The following TJP1 variants were observed in gnomAD, a reference collection of about 807,000 sequenced individuals.
TJP1 encodes tight junction protein ZO-1.
TJP1 carries 43 observed loss-of-function variants against 194.2 expected under a neutral mutation model. That is an observed-to-expected ratio of 0.22 (90% confidence interval 0.17 to 0.29). TJP1 has a LOEUF of 0.29. TJP1 is among the 10% of genes least tolerant of loss of function. TJP1 has a pLI of 1.00. For synonymous variants in TJP1, 801 were observed against 779.0 expected (o/e 1.03, Z -0.47); for missense variants, 1,971 against 2,185.7 (o/e 0.90, Z 1.96).
At chr15:29,734,862 A>C (rs2043921890) in intron 11 of TJP1, among the ~76,000 whole-genome samples, 1 of 152,202 alleles carries the variant, frequency 6.6e-6, no homozygotes, top group Non-Finnish European at 1.5e-5. Context: ...TTAAAAAAAC[A>C]GAAACAAATA....
intron 2 of TJP1, among the ~76,000 whole-genome samples, chr15:29,950,162 ACCACAACCACTACCT>A (rs2055670160): frequency 4.2e-5 from 4 of 94,774 alleles, no homozygotes; most frequent in Non-Finnish European, 8.7e-5. Context: ...CTCCACCACC[ACCACAACCACTACCT>A]CCACCTCCAC....
At chr15:29,940,228 C>T (rs1213966757) in intron 2 of TJP1, among the ~76,000 whole-genome samples, 2 of 152,138 alleles carry the variant, frequency 1.3e-5, no homozygotes, top group Admixed American at 1.3e-4. Flanking sequence ...AAGAGTAAAT[C>T]ATAGGGGAGA....
intron 2 of TJP1, among the ~76,000 whole-genome samples, chr15:29,927,714 C>T (rs1319516470): frequency 6.6e-6 from 1 of 152,082 alleles, no homozygotes; most frequent in East Asian, 1.9e-4. Flanking sequence ...GCCATCTTCC[C>T]CTTGGGGCAC....
chr15:29,943,991 TTTC>T, intron 2 of TJP1, among the ~76,000 whole-genome samples: 1 of 152,124 alleles, frequency 6.6e-6, no homozygotes, highest in East Asian at 1.9e-4. Flanking sequence ...AAACAAAAAT[TTTC>T]TACCTGTTAA....
At chr15:29,800,485 G>A in intron 2 of TJP1, 161 bp downstream of exon 2, 1 of 646,212 alleles carries the variant, frequency 1.5e-6, no homozygotes, top group Non-Finnish European at 2.7e-6. Context: ...GCTCACTTTT[G>A]ACCTTAATAA....
intron 2 of TJP1, among the ~76,000 whole-genome samples, chr15:29,944,677 G>A (rs867150847): frequency 5.3e-5 from 8 of 151,968 alleles, no homozygotes; most frequent in East Asian, 1.9e-4. Context: ...CTGAGATAAG[G>A]CTTTTCTAAG....
intron 2 of TJP1, among the ~76,000 whole-genome samples, chr15:29,785,898 C>A (rs2047670092): frequency 6.6e-6 from 1 of 152,202 alleles, no homozygotes. Context: ...TGTCTCTATA[C>A]TACTTGCCAA....
chr15:29,716,771 G>A lies in TJP1; in HGVS notation c.4042C>T (p.Pro1348Ser), dbSNP rs546750310. Residue 1348 changes from proline (P) to serine (S), a missense_variant, in exon 23 of 28, where the codon CCT becomes TCT. Transcript: ENST00000614355. ...CGATAATATTCTTCATCTTCTTCAG[G>A]GTCATAATGATTGGACCGAACAATA... is the stretch of plus-strand genomic sequence containing the variant. Reference protein sequence around the residue: ...EDIVRSNHYDPEEDEEYYRKQ... With the variant: ...EDIVRSNHYDSEEDEEYYRKQ... 21 of 1,613,926 alleles carry A rather than the reference G, an allele frequency of 1.3e-5. No individual in the cohort carries two copies. The East Asian group carries it at 4.7e-4, about 36-fold the overall frequency.
chr15:29,968,277 A>G (rs2056398299), intron 1 of TJP1: 2 of 985,022 alleles, frequency 2.0e-6, no homozygotes, highest in Non-Finnish European at 2.4e-6. Context: ...ATACCAATGA[A>G]TTCTTCTGCT....
At chr15:29,740,754 G>C (rs1446095920) in intron 10 of TJP1, among the ~76,000 whole-genome samples, 2 of 152,258 alleles carry the variant, frequency 1.3e-5, no homozygotes, top group East Asian at 1.9e-4. Flanking sequence ...AAGGTGTTAA[G>C]ATAGTAAAAA....
Position 29,732,829 on chromosome 15 carries a change from G to A in TJP1, c.1737-14C>T, listed in dbSNP as rs1447662221. ...AGCTGCTCAGCTCTACACAAGAAAG[G>A]AGAAAATTAAAATAAGGGCATTTAA... On this transcript the variant is annotated splice_polypyrimidine_tract_variant and intron_variant, in intron 13 of 27. Transcript: ENST00000614355. The A allele has an allele frequency of 1.9e-6, 3 of 1,558,992 alleles. No individual in the cohort carries two copies. The African/African-American group carries it at 4.2e-5, about 22-fold the overall frequency.
In TJP1 at chr15:29,718,455, T is replaced by C. The variant is rs1686676150; in HGVS notation, c.3687A>G (p.Ser1229=). The change falls in exon 21 of 28, where the codon TCA becomes TCG. Residue 1229 remains serine (S), a synonymous_variant. Transcript: ENST00000614355. ...GCAGAGCTTCTGGCTTATGCTGAGATGAAGGTATCAGCGGAGGGACAGCTG... is the reference window on the plus strand; with the variant it reads ...GCAGAGCTTCTGGCTTATGCTGAGACGAAGGTATCAGCGGAGGGACAGCTG... The part of the protein sequence containing the change: ...GAAAVPPLIP[S]SQHKPEALPS... The C allele has an allele frequency of 6.2e-7, 1 of 1,614,148 alleles. No individual in the cohort carries two copies.
At chr15:29,835,605 G>A (rs1043450945) in intron 2 of TJP1, among the ~76,000 whole-genome samples, 5 of 151,734 alleles carry the variant, frequency 3.3e-5, no homozygotes, top group Admixed American at 6.6e-5. Flanking sequence ...AGCTATGATC[G>A]CGCCACTGCA....
intron 1 of TJP1, among the ~76,000 whole-genome samples, chr15:29,820,175 T>A (rs908350978): frequency 4.6e-5 from 7 of 151,788 alleles, no homozygotes; most frequent in Admixed American, 3.3e-4. Flanking sequence ...TTTTTTTTTT[T>A]TCCAAACTGA....
At chr15:29,702,341 T>C (rs1477877173) in intron 27 of TJP1, among the ~76,000 whole-genome samples, 1 of 152,178 alleles carries the variant, frequency 6.6e-6, no homozygotes, top group African/African-American at 2.4e-5. Flanking sequence ...CAAAAACTCA[T>C]TGACTGGGTG....
At chr15:29,755,830 C>T (rs1026815174) in intron 8 of TJP1, among the ~76,000 whole-genome samples, 2 of 152,100 alleles carry the variant, frequency 1.3e-5, no homozygotes, top group South Asian at 4.1e-4. Flanking sequence ...TAAATCTTGA[C>T]AATCCAAATT....
chr15:29,732,727 T>C lies in TJP1; in HGVS notation c.1825A>G (p.Ser609Gly). The change falls in exon 14 of 28, where the codon AGC (serine) becomes GGC (glycine). Residue 609 changes from serine to glycine, a missense_variant. This residue lies in a region of TJP1 where 402 missense variants were observed against 484.2 expected (regional missense o/e 0.83). Transcript: ENST00000614355. ...ADFWRFRGLR[S>G]SKRNLRKSRE... ...CTTTTTCGAAGATTTCTCTTGGAGC[T>C]GCGAAGACCTCTGAATCTCCAGAAG... The C allele has an allele frequency of 6.2e-7, 1 of 1,614,212 alleles. No homozygotes were observed. Among genetic ancestry groups the C allele is most frequent in the Non-Finnish European group, 8.5e-7 (1 of 1,180,038 alleles).
chr15:29,745,293 CA>C (rs1383574984), intron 8 of TJP1, among the ~76,000 whole-genome samples: 1 of 41,508 alleles, frequency 2.4e-5, no homozygotes, highest in Non-Finnish European at 4.6e-5. Context: ...CTAATGGTCC[CA>C]AAATATTGAA....
At chr15:29,960,714 C>G (rs1457785053) in intron 1 of TJP1, among the ~76,000 whole-genome samples, 1 of 151,770 alleles carries the variant, frequency 6.6e-6, no homozygotes, top group Non-Finnish European at 1.5e-5. Context: ...ACCTACCCTG[C>G]CCACAGACTC....
Sources: gnomAD v4.1 joint callset for allele counts (sites outside exome capture counted in the v4.1 genomes callset) on GRCh38, gnomAD v4.1.1 for gene constraint, gnomAD v4.1.1 regional missense constraint, MANE v1.5 for transcripts, NCBI Gene and HGNC (gene_info 2026-07-23, HGNC 2026-07-21) for gene names.